Variants in NCMAP observed in about 807,000 individuals in gnomAD.
NCMAP encodes non-compact myelin associated protein.
Under a neutral mutation model 7.8 loss-of-function variants are expected in NCMAP, and 8 were observed. The ratio of observed to expected loss-of-function variants is 1.02; its 90% CI spans 0.60 to 1.84. The LOEUF (loss-of-function observed/expected upper bound fraction) is 1.84, where lower values mean the gene tolerates loss of function less well. NCMAP is among the 40% of genes most tolerant of loss of function. The pLI, the probability that NCMAP is intolerant of heterozygous loss-of-function variation, is 0.00. For missense variants in NCMAP, 112 were observed against 131.4 expected (o/e 0.85, Z 0.72); for synonymous variants, 41 against 52.9 (o/e 0.78, Z 0.98).
chr1:24,577,821 C>T (rs1416969047), intron 1 of NCMAP, among the ~76,000 whole-genome samples: 1 of 151,686 alleles, frequency 6.6e-6, no homozygotes, highest in African/African-American at 2.4e-5. Flanking sequence ...AGGGTGGTTG[C>T]GAGGAAAGCT....
intron 1 of NCMAP, among the ~76,000 whole-genome samples, chr1:24,562,925 C>T (rs1651095831): frequency 6.6e-6 from 1 of 152,228 alleles, no homozygotes; most frequent in Non-Finnish European, 1.5e-5. Flanking sequence ...CCTTCCCCCT[C>T]CTTATGCCCT....
chr1:24,586,284 A>G (rs980340191), intron 1 of NCMAP, among the ~76,000 whole-genome samples: 3 of 152,172 alleles, frequency 2.0e-5, no homozygotes, highest in Admixed American at 6.5e-5. Context: ...GGAGGAGCGG[A>G]AATGTCTCTC....
Position 24,595,440 on chromosome 1 carries a change from G to T in NCMAP, c.10G>T (p.Ala4Ser). 2 of 1,613,380 alleles carry T rather than the reference G, an allele frequency of 1.2e-6. No individual in the cohort carries two copies. Among genetic ancestry groups the T allele is most frequent in the Admixed American group, 3.3e-5 (2 of 60,006 alleles). ...TCTCATCAGGATCGAGATGACCACA[G>T]CCACCCCTCTGGGGGATACCACCTT... MTT[A>S]TPLGDTTFFS... Residue 4 changes from alanine to serine, a missense_variant, in exon 2 of 4, where the codon GCC (alanine) becomes TCC (serine). Physicochemically the swap from Ala to Ser is moderately conservative, Grantham distance 99 (BLOSUM62 1). Transcript: ENST00000374392.
intron 1 of NCMAP, among the ~76,000 whole-genome samples, chr1:24,591,499 C>G (rs1652047316): frequency 6.6e-6 from 1 of 152,222 alleles, no homozygotes; most frequent in African/African-American, 2.4e-5. Flanking sequence ...AACTTCTGAC[C>G]TCAAGTAATC....
intron 1 of NCMAP, among the ~76,000 whole-genome samples, chr1:24,587,521 C>A (rs1651915922): frequency 6.6e-6 from 1 of 151,986 alleles, no homozygotes; most frequent in Non-Finnish European, 1.5e-5. Context: ...CTTTTCTTTT[C>A]TTTTCTTTTT....
intron 1 of NCMAP, among the ~76,000 whole-genome samples, chr1:24,562,703 G>C (rs1651087045): frequency 6.6e-6 from 1 of 152,184 alleles, no homozygotes; most frequent in South Asian, 2.1e-4. Flanking sequence ...AGCCATGCTG[G>C]AGTGAGGAAT....
In NCMAP at chr1:24,606,134, A is replaced by G. The variant is rs1652718947; in HGVS notation, c.*387A>G. On this transcript the variant is annotated 3_prime_UTR_variant, in exon 4 of 4. Transcript: ENST00000374392. ...CAATAGGATCTGTCACGGGGTTCATATCAGATGAAGCGCCGTATCCACTGC... is the reference window on the plus strand; with the variant it reads ...CAATAGGATCTGTCACGGGGTTCATGTCAGATGAAGCGCCGTATCCACTGC... The G allele has an allele frequency of 5.6e-6, 1 of 178,142 alleles. No individual in the cohort carries two copies. The highest frequency in any genetic ancestry group is 5.9e-5 in the Admixed American group (1 of 16,908). The allele number at this position is 178,142 out of a possible 1,614,324, so 11.0% of individuals were successfully genotyped here. A position where few individuals can be genotyped will look rare whatever the true frequency, so the allele number is the denominator to read the frequency against.
At chr1:24,605,522 T>C in intron 3 of NCMAP, 84 bp from the exon 4 acceptor site, 1 of 1,473,032 alleles carries the variant, frequency 6.8e-7, no homozygotes, top group African/African-American at 1.4e-5. Flanking sequence ...CATTAATCTG[T>C]TGGCCAGAAC....
intron 1 of NCMAP, among the ~76,000 whole-genome samples, chr1:24,587,309 A>G (rs1023744714): frequency 2.0e-5 from 3 of 152,144 alleles, no homozygotes; most frequent in Admixed American, 1.3e-4. Flanking sequence ...AGGACATACA[A>G]TTGGTGTTTT....
intron 2 of NCMAP, among the ~76,000 whole-genome samples, chr1:24,598,041 C>A (rs1652321349): frequency 6.6e-6 from 1 of 152,088 alleles, no homozygotes; most frequent in African/African-American, 2.4e-5. Flanking sequence ...GATTAAATAT[C>A]TTGCAATGCA....
chr1:24,596,453 C>T (rs973970650), intron 2 of NCMAP, among the ~76,000 whole-genome samples: 1 of 152,002 alleles, frequency 6.6e-6, no homozygotes, highest in African/African-American at 2.4e-5. Flanking sequence ...GAGGCCAAGG[C>T]AGGCAGATTG....
At chr1:24,598,162 C>G (rs1652326484) in intron 2 of NCMAP, among the ~76,000 whole-genome samples, 1 of 152,220 alleles carries the variant, frequency 6.6e-6, no homozygotes, top group Admixed American at 6.5e-5. Context: ...ATTTCCCGCC[C>G]TCTCTGCTTC....
chr1:24,565,931 A>G (rs1327233443), intron 1 of NCMAP, among the ~76,000 whole-genome samples: 1 of 152,084 alleles, frequency 6.6e-6, no homozygotes, highest in East Asian at 1.9e-4. Flanking sequence ...GGTTTCCTCC[A>G]TGCTGTTCTC....
intron 2 of NCMAP, among the ~76,000 whole-genome samples, chr1:24,599,596 GAGA>G (rs1652391932): frequency 6.6e-6 from 1 of 152,116 alleles, no homozygotes; most frequent in Non-Finnish European, 1.5e-5. Flanking sequence ...GTTTGTTTTT[GAGA>G]AGGAGTCTTG....
At chr1:24,585,715 G>A (rs1215800092) in intron 1 of NCMAP, among the ~76,000 whole-genome samples, 2 of 152,134 alleles carry the variant, frequency 1.3e-5, no homozygotes, top group African/African-American at 4.8e-5. Context: ...CTCTTCCCCT[G>A]CCCAGCCACA....
At chr1:24,586,634 G>T (rs1651890750) in intron 1 of NCMAP, among the ~76,000 whole-genome samples, 1 of 151,956 alleles carries the variant, frequency 6.6e-6, no homozygotes, top group Non-Finnish European at 1.5e-5. Flanking sequence ...GGTGGCAGGT[G>T]CCTGTACTCC....
intron 1 of NCMAP, among the ~76,000 whole-genome samples, chr1:24,569,026 GT>G (rs112157881): frequency 0.031 from 4,719 of 150,582 alleles, 282 homozygotes; most frequent in African/African-American, 0.11. Flanking sequence ...GTTTTGTTTT[GT>G]TTTTTTTTGG....
In NCMAP at chr1:24,576,636, T is replaced by C. The variant is rs1651567713; in HGVS notation, c.-7-18788T>C. On this transcript the variant is annotated intron_variant, in intron 1 of 3. Transcript: ENST00000374392. The surrounding 1 kb of genome is among the most constrained non-coding windows in gnomAD (Gnocchi z 4.0). The stretch of plus-strand genomic sequence containing the variant: ...CTGTTCAGTTTGCAGGAGGGCAAAC[T>C]GCAGTCCAGACAGAACAAGTGGCCT... Among the ~76,000 whole-genome samples, 1 of 152,172 alleles carries C rather than the reference T, an allele frequency of 6.6e-6. No individual in the cohort carries two copies. The highest frequency in any genetic ancestry group is 1.5e-5 in the Non-Finnish European group (1 of 68,014).
intron 1 of NCMAP, among the ~76,000 whole-genome samples, chr1:24,579,266 G>C (rs184486241): frequency 7.4e-4 from 113 of 151,804 alleles, no homozygotes; most frequent in African/African-American, 2.6e-3. Context: ...TTGTTTTATA[G>C]ATGCAATATC....
Sources: allele counts gnomAD v4.1 joint callset (sites outside exome capture counted in the v4.1 genomes callset), GRCh38; gene constraint gnomAD v4.1.1; non-coding constraint Gnocchi (gnomAD v3.1); transcripts MANE v1.5; gene names NCBI Gene and HGNC (gene_info 2026-07-23, HGNC 2026-07-21).